Variants in PRKCE observed in about 807,000 individuals in gnomAD.
PRKCE encodes protein kinase C epsilon.
PRKCE carries 16 observed loss-of-function variants against 85.4 expected under a neutral mutation model. The ratio of observed to expected loss-of-function variants is 0.19; its 90% confidence interval spans 0.13 to 0.28. The LOEUF is 0.28. PRKCE is among the 10% of genes least tolerant of loss of function. PRKCE has a pLI of 1.00. For synonymous variants in PRKCE, 388 were observed against 371.5 expected, an observed-to-expected ratio of 1.04 and a Z score of -0.51; for missense variants, 573 against 975.2, an observed-to-expected ratio of 0.59 and a Z score of 5.49.
chr2:45,674,088 A>T (rs149258531), intron 1 of PRKCE, among the ~76,000 whole-genome samples: 2,308 of 152,270 alleles, frequency 0.015, 49 homozygotes, highest in African/African-American at 0.052. Flanking sequence ...TTATTGGAAA[A>T]TATTTTTTAA....
intron 11 of PRKCE, among the ~76,000 whole-genome samples, chr2:46,129,880 A>AT (rs1171800632): frequency 2.6e-5 from 4 of 152,328 alleles, no homozygotes; most frequent in African/African-American, 4.8e-5. Context: ...CCCTGCAGTG[A>AT]TTTTCCATTA....
intron 14 of PRKCE, among the ~76,000 whole-genome samples, chr2:46,163,287 C>T (rs938395593): frequency 1.3e-5 from 2 of 151,858 alleles, no homozygotes; most frequent in Admixed American, 1.3e-4. Flanking sequence ...AGGTGCATCC[C>T]CATAGAGGCC....
chr2:45,993,538 C>T (rs748037661), intron 6 of PRKCE, among the ~76,000 whole-genome samples: 3 of 152,214 alleles, frequency 2.0e-5, no homozygotes, highest in Non-Finnish European at 4.4e-5. Context: ...CTTTGCCGAC[C>T]TGCCAGCCCA....
intron 2 of PRKCE, among the ~76,000 whole-genome samples, chr2:45,879,320 C>A (rs567458932): frequency 6.6e-6 from 1 of 152,236 alleles, no homozygotes. Flanking sequence ...TCCCGCTCCC[C>A]TTCCTGCTGA....
chr2:45,931,795 C>T (rs1699064891), intron 2 of PRKCE, among the ~76,000 whole-genome samples: 1 of 152,124 alleles, frequency 6.6e-6, no homozygotes, highest in Non-Finnish European at 1.5e-5. Context: ...CAGCCTTCGC[C>T]TCCCGGGTTG....
chr2:45,926,684 C>T (rs530046783), intron 2 of PRKCE, among the ~76,000 whole-genome samples: 6 of 152,290 alleles, frequency 3.9e-5, no homozygotes, highest in East Asian at 1.9e-4. Context: ...TTCTTATTAA[C>T]GAACATTTTG....
intron 2 of PRKCE, among the ~76,000 whole-genome samples, chr2:45,939,935 C>A (rs557823904): frequency 6.6e-6 from 1 of 152,272 alleles, no homozygotes; most frequent in East Asian, 1.9e-4. Flanking sequence ...GTAACCCAGC[C>A]CCTCACCATA....
At chr2:45,815,635 C>G (rs1324093354) in intron 1 of PRKCE, among the ~76,000 whole-genome samples, 9 of 152,174 alleles carry the variant, frequency 5.9e-5, no homozygotes, top group Admixed American at 5.9e-4. Flanking sequence ...TGTAAACAAC[C>G]AGGTGTTTGT....
intron 10 of PRKCE, 38 bp downstream of exon 10, chr2:46,010,555 G>A: frequency 1.3e-6 from 2 of 1,597,836 alleles, no homozygotes; most frequent in East Asian, 2.2e-5. Flanking sequence ...CCATGTTGGG[G>A]CATCTTGACT....
chr2:46,073,461 T>C (rs1249172845), intron 10 of PRKCE: 1 of 152,038 alleles, frequency 6.6e-6, no homozygotes, highest in Non-Finnish European at 1.5e-5. Flanking sequence ...GCCAGTCTCC[T>C]CTAACACTGG....
intron 1 of PRKCE, chr2:45,676,768 G>A (rs1676473449): frequency 6.6e-6 from 1 of 152,214 alleles, no homozygotes; most frequent in African/African-American, 2.4e-5. Context: ...AAGGAAGGAG[G>A]TATCAAGTGT....
chr2:45,889,665 T>C (rs1304644708), intron 2 of PRKCE, among the ~76,000 whole-genome samples: 1 of 152,204 alleles, frequency 6.6e-6, no homozygotes, highest in Non-Finnish European at 1.5e-5. Flanking sequence ...ATGCCTTAAA[T>C]AGACTTCCCA....
intron 1 of PRKCE, among the ~76,000 whole-genome samples, chr2:45,811,256 C>A (rs369189191): frequency 6.6e-6 from 1 of 152,180 alleles, no homozygotes; most frequent in Non-Finnish European, 1.5e-5. Context: ...CACCAAGGGT[C>A]CATCAGATAA....
rs540092290 is a variant in PRKCE at position 46,046,040 on chromosome 2, A to C, written c.1437+35523A>C. 2.6e-5 allele frequency among the ~76,000 whole-genome samples: 4 copies of C among 152,356 alleles called. No homozygotes were observed. In the South Asian group the frequency reaches 8.3e-4, roughly 32 times the overall value. On this transcript the variant is annotated intron_variant, in intron 10 of 14. Coordinates refer to ENST00000306156, the MANE Select transcript of PRKCE (RefSeq NM_005400.3). ...CAATGGCTGGAAGGAGGCCTGAGTC[A>C]CAGACATCCTCAGCTGTCATGGGAA... is the stretch of plus-strand genomic sequence containing the variant.
intron 2 of PRKCE, among the ~76,000 whole-genome samples, chr2:45,970,156 A>G (rs183317091): frequency 3.9e-5 from 6 of 152,278 alleles, no homozygotes; most frequent in Non-Finnish European, 7.4e-5. Context: ...AAACATGTCA[A>G]CTGGCATTGC....
At chr2:45,915,772 G>A (rs1178884076) in intron 2 of PRKCE, among the ~76,000 whole-genome samples, 2 of 152,160 alleles carry the variant, frequency 1.3e-5, no homozygotes, top group Non-Finnish European at 2.9e-5. Context: ...GACATGACCT[G>A]ACTAGAAGTC....
At position 46,184,709 on chromosome 2, in the gene PRKCE, C is replaced by G. The variant is rs367592767; in HGVS notation, c.2068-26C>G. 6.3e-7 allele frequency: 1 copy of G among 1,597,868 alleles called. No individual in the cohort carries two copies. Among genetic ancestry groups the G allele is most frequent in the East Asian group, 2.2e-5 (1 of 44,866 alleles). ...CTCAGGAGGGAGAGCAGCCTCAACT[C>G]ACCACTTTCTCTTTTCTTCCCACAG... On this transcript the variant is annotated intron_variant, in intron 14 of 14. Transcript: ENST00000306156. The surrounding 1 kb of genome is among the most constrained non-coding windows in gnomAD (Gnocchi z 5.0).
intron 1 of PRKCE, among the ~76,000 whole-genome samples, chr2:45,761,948 G>A (rs913798091): frequency 1.3e-5 from 2 of 152,116 alleles, no homozygotes; most frequent in African/African-American, 4.8e-5. Flanking sequence ...CACCCAGCAA[G>A]TTCCTGCTTC....
intron 2 of PRKCE, among the ~76,000 whole-genome samples, chr2:45,879,720 G>A (rs889026923): frequency 7.2e-5 from 11 of 152,202 alleles, no homozygotes; most frequent in Non-Finnish European, 1.2e-4. Context: ...AGTAAGGGAG[G>A]CACTCCTGTC....
Sources: gnomAD v4.1 joint callset for allele counts (sites outside exome capture counted in the v4.1 genomes callset) on GRCh38, gnomAD v4.1.1 for gene constraint, Gnocchi (gnomAD v3.1) non-coding constraint, MANE v1.5 for transcripts, NCBI Gene and HGNC (gene_info 2026-07-23, HGNC 2026-07-21) for gene names.